Variants in EPG5 observed in about 807,000 individuals in gnomAD.
EPG5 encodes the protein ectopic P-granules 5 autophagy tethering factor, also known as ectopic P granules protein 5 homolog.
Under a neutral mutation model 302.7 loss-of-function variants are expected in EPG5, and 159 were observed. The ratio of observed to expected loss-of-function variants is 0.53; its 90% confidence interval spans 0.46 to 0.60. EPG5 has a LOEUF of 0.60. Ranked by LOEUF, EPG5 falls within the 20% of genes least tolerant of loss-of-function variation. The probability of loss-of-function intolerance (pLI) is 0.00; values close to 1 mark genes in which losing one functional copy is unlikely to be tolerated. For synonymous variants in EPG5, 1,158 were observed against 1,136.8 expected (o/e 1.02, Z -0.37); for missense variants, 2,896 against 3,092.4 (o/e 0.94, Z 1.51).
At chr18:45,886,173 T>A (rs1316521388) in intron 29 of EPG5, among the ~76,000 whole-genome samples, 4 of 152,160 alleles carry the variant, frequency 2.6e-5, no homozygotes, top group Non-Finnish European at 5.9e-5. Flanking sequence ...TGTATCAAAT[T>A]CCTTTGACAC....
chr18:45,879,324 G>A (rs2049041102), intron 32 of EPG5, 110 bp from the exon 33 acceptor site: 2 of 718,386 alleles, frequency 2.8e-6, no homozygotes, highest in Non-Finnish European at 2.3e-6. Flanking sequence ...TTATAAGAGA[G>A]TGGCAAAAAT....
chr18:45,906,352 T>C (rs2049751443), intron 24 of EPG5, among the ~76,000 whole-genome samples: 1 of 152,224 alleles, frequency 6.6e-6, no homozygotes, highest in Non-Finnish European at 1.5e-5. Context: ...ACATGGCCCT[T>C]AGGGATTTCA....
rs750226504 is a variant in EPG5 at position 45,884,613 on chromosome 18, T to C, written c.5304+4A>G. 1 of 1,596,402 alleles carries C rather than the reference T, an allele frequency of 6.3e-7. No individual in the cohort carries two copies. Among genetic ancestry groups the C allele is most frequent in the South Asian group, 1.1e-5 (1 of 87,844 alleles). On this transcript the variant is annotated splice_donor_region_variant and intron_variant, in intron 30 of 43. Transcript: ENST00000282041. Reference sequence around the variant, plus strand: ...AATATGGTGAGGATGGAATTACATCTTACCTTGGTTAGCAGCATGAAAATC... The same window carrying C: ...AATATGGTGAGGATGGAATTACATCCTACCTTGGTTAGCAGCATGAAAATC...
At chr18:45,852,792 G>C in intron 43 of EPG5, 143 bp from the exon 44 acceptor site, 1 of 707,728 alleles carries the variant, frequency 1.4e-6, no homozygotes, top group Non-Finnish European at 2.4e-6. Context: ...CCAGGAGTCC[G>C]GAAGGCAGGC....
the EPG5 span, among the ~76,000 whole-genome samples, chr18:45,835,077 AG>A: frequency 6.6e-6 from 1 of 152,162 alleles, no homozygotes; most frequent in African/African-American, 2.4e-5. Flanking sequence ...ACATTTGTCC[AG>A]AAAAAAAAAA....
chr18:45,814,471 G>T, the EPG5 span, among the ~76,000 whole-genome samples: 1 of 152,212 alleles, frequency 6.6e-6, no homozygotes, highest in African/African-American at 2.4e-5. Context: ...AACACCATGG[G>T]ACAGTTGGCA....
the EPG5 span, among the ~76,000 whole-genome samples, chr18:45,805,733 A>G: frequency 6.6e-6 from 1 of 152,206 alleles, no homozygotes; most frequent in East Asian, 1.9e-4. Context: ...CATTCAACAC[A>G]GAAGTATTAC....
Position 45,901,053 on chromosome 18 carries a change from T to C in EPG5, c.4589A>G (p.Gln1530Arg), listed in dbSNP as rs750383421. 4 of 1,614,176 alleles carry C rather than the reference T, an allele frequency of 2.5e-6. No individual in the cohort carries two copies. The South Asian group carries it at 4.4e-5, about 18-fold the overall frequency. Residue 1530 changes from glutamine to arginine, a missense_variant, in exon 26 of 44, where the codon CAG becomes CGG. Gln to Arg is a conservative substitution (Grantham distance 43). Coordinates refer to ENST00000282041, the MANE Select transcript of EPG5 (RefSeq NM_020964.3). ...GCACACCAGCTGGGTGGCGTCCTTC[T>C]GACTCAATAGCACAGCAGAGGAAAT... is the stretch of plus-strand genomic sequence containing the variant. The part of the protein sequence containing the change: ...PVISSAVLLS[Q>R]KDATQLVCTD...
rs138950314 is a variant in EPG5, at chr18:45,897,810, G to A, written c.4809+1594C>T. Among the ~76,000 whole-genome samples the A allele has an allele frequency of 7.2e-4, 110 of 152,272 alleles. 1 individual carries two copies. The highest frequency in any genetic ancestry group is 2.6e-3 in the African/African-American group (108 of 41,542). On this transcript the variant is annotated intron_variant, in intron 27 of 43. Coordinates refer to ENST00000282041, the MANE Select transcript of EPG5 (RefSeq NM_020964.3). ...ATTATTTCAGAGAAGACATTTTGTA[G>A]AAAAGAGTCTCCCAAGGAAATTGAT...
chr18:45,888,451 C>T (rs1376870327), intron 28 of EPG5, among the ~76,000 whole-genome samples: 1 of 152,110 alleles, frequency 6.6e-6, no homozygotes, highest in African/African-American at 2.4e-5. Context: ...TTACAGGCAG[C>T]TGCCATAATG....
rs376292945 is a variant in EPG5 at position 45,858,637 on chromosome 18, G to A, written c.7155C>T (p.Ser2385=). 3.9e-5 allele frequency: 63 copies of A among 1,613,916 alleles called. No homozygotes were observed. The highest frequency in any genetic ancestry group is 1.6e-4 in the Middle Eastern group (1 of 6,082). ...LYVYLLQCLN[S]EQTLRNEMKV... ...TCATTTCATTCCTTAAAGTCTGTTC[G>A]CTGTTTAAACACTGAAGCAAGTAGA... The change falls in exon 41 of 44, where the codon AGC becomes AGT. Residue 2385 remains serine (S), a synonymous_variant. Coordinates refer to ENST00000282041, the MANE Select transcript of EPG5 (RefSeq NM_020964.3).
chr18:45,826,862 A>C, the EPG5 span, among the ~76,000 whole-genome samples: 2 of 152,134 alleles, frequency 1.3e-5, no homozygotes, highest in Non-Finnish European at 2.9e-5. Flanking sequence ...CATGCTGGGC[A>C]CTTTAGTAAC....
chr18:45,942,563 C>T (rs2050694596), intron 9 of EPG5, among the ~76,000 whole-genome samples: 2 of 151,942 alleles, frequency 1.3e-5, no homozygotes, highest in Admixed American at 1.3e-4. Context: ...AGATCGTGCC[C>T]ACTGTACTCC....
Position 45,917,907 on chromosome 18 carries a change from T to C in EPG5, c.3099-88A>G, listed in dbSNP as rs1422660670. 3.5e-6 allele frequency: 5 copies of C among 1,424,578 alleles called. No homozygotes were observed. The East Asian group carries it at 9.4e-5, about 27-fold the overall frequency. The allele number at this position is 1,424,578 out of a possible 1,614,324, so 88.2% of individuals were successfully genotyped here. ...CAATGAGTTATGAGCCTTCAATACC[T>C]TGGGTTATCTCAGGTCTCCAACACA... On this transcript the variant is annotated intron_variant, in intron 16 of 43. Transcript: ENST00000282041.
At chr18:45,951,857 A>G (rs1264917283) in intron 3 of EPG5, among the ~76,000 whole-genome samples, 1 of 152,200 alleles carries the variant, frequency 6.6e-6, no homozygotes, top group Non-Finnish European at 1.5e-5. Flanking sequence ...TTTACTTTAA[A>G]GTACCCTAAT....
rs2048376557 is a variant in EPG5, at chr18:45,847,672, T to C, written c.*4795A>G. ...CTTAACCAGTTGTCATTTCTTCCTGTTTCTCACCATTATATAAAAACTTAC... is the reference window on the plus strand; with the variant it reads ...CTTAACCAGTTGTCATTTCTTCCTGCTTCTCACCATTATATAAAAACTTAC... On this transcript the variant is annotated 3_prime_UTR_variant, in exon 44 of 44. Transcript: ENST00000282041. 6.6e-6 allele frequency: 1 copy of C among 152,608 alleles called. No homozygotes were observed. The highest frequency in any genetic ancestry group is 6.5e-5 in the Admixed American group (1 of 15,284). The allele number at this position is 152,608 out of a possible 1,614,324, so 9.5% of individuals were successfully genotyped here.
Position 45,867,744 on chromosome 18 carries a change from TCCA to T in EPG5, c.6227_6229del (p.Val2076del). 1 of 1,595,520 alleles carries T rather than the reference TCCA, an allele frequency of 6.3e-7. No individual in the cohort carries two copies. ...GAAACAGCTCTTGGGGCTTCCTCGTTCCACCTAAAAGAAAATGAATTAAAATCA... is the reference window on the plus strand; with the variant it reads ...GAAACAGCTCTTGGGGCTTCCTCGTTCCTAAAAGAAAATGAATTAAAATCA... On this transcript the variant is annotated inframe_deletion and splice_region_variant, in exon 37 of 44. Transcript: ENST00000282041.
the EPG5 span, among the ~76,000 whole-genome samples, chr18:45,817,556 G>A: frequency 6.6e-6 from 1 of 152,358 alleles, no homozygotes; most frequent in South Asian, 2.1e-4. Context: ...CTTCAGGGCT[G>A]CAATCATCTG....
rs1286457057 is a variant in EPG5, at chr18:45,899,533, A to G, written c.4680T>C (p.Ala1560=). Reference sequence around the variant, plus strand: ...TTGTGTCTAACAGCTCACCATCCAGAGCAACCTGCTGAGATTCCCGAAGAG... The same window carrying G: ...TTGTGTCTAACAGCTCACCATCCAGGGCAACCTGCTGAGATTCCCGAAGAG... ...TAALRESQQV[A]LDGELLDTMP... Residue 1560 remains alanine, a synonymous_variant, in exon 27 of 44, where the codon GCT becomes GCC. Coordinates refer to ENST00000282041, the MANE Select transcript of EPG5 (RefSeq NM_020964.3). 1.2e-6 allele frequency: 2 copies of G among 1,614,064 alleles called. No individual in the cohort carries two copies. Among genetic ancestry groups the G allele is most frequent in the Admixed American group, 3.3e-5 (2 of 60,002 alleles).
Sources: allele counts gnomAD v4.1 joint callset (sites outside exome capture counted in the v4.1 genomes callset), GRCh38; gene constraint gnomAD v4.1.1; transcripts MANE v1.5; gene names NCBI Gene and HGNC (gene_info 2026-07-23, HGNC 2026-07-21).